The following SPAG16 variants were observed in gnomAD, a reference collection of about 807,000 sequenced individuals.
SPAG16 encodes the protein sperm associated antigen 16, also known as sperm-associated antigen 16 protein.
SPAG16 carries 86 observed loss-of-function variants against 80.4 expected under a neutral mutation model. The observed-to-expected ratio is 1.07, with a 90% CI of 0.90 to 1.28. The LOEUF (loss-of-function observed/expected upper bound fraction) is 1.28. Ranked by LOEUF, SPAG16 falls within the 50% of genes most tolerant of loss-of-function variation. The probability of loss-of-function intolerance (pLI) is 0.00; values close to 1 mark genes in which losing one functional copy is unlikely to be tolerated. For synonymous variants in SPAG16, 294 were observed against 265.9 expected (o/e 1.11, Z -1.03); for missense variants, 870 against 765.3 (o/e 1.14, Z -1.61).
At chr2:213,624,676 A>G (rs2061899079) in intron 10 of SPAG16, among the ~76,000 whole-genome samples, 1 of 152,214 alleles carries the variant, frequency 6.6e-6, no homozygotes, top group African/African-American at 2.4e-5. Context: ...TGACCACAAT[A>G]CCTTGATGCA....
chr2:213,835,714 G>T (rs1053082295), intron 10 of SPAG16, among the ~76,000 whole-genome samples: 1 of 152,156 alleles, frequency 6.6e-6, no homozygotes, highest in Non-Finnish European at 1.5e-5. Context: ...GATTTGGCAT[G>T]TTAATATTGT....
intron 10 of SPAG16, among the ~76,000 whole-genome samples, chr2:213,671,418 A>T (rs1029667733): frequency 3.9e-5 from 6 of 151,992 alleles, no homozygotes; most frequent in African/African-American, 1.5e-4. Flanking sequence ...CAGAGTAAGG[A>T]GCCTTGTTTT....
At chr2:214,006,170 T>C (rs1272421139) in intron 12 of SPAG16, among the ~76,000 whole-genome samples, 1 of 152,214 alleles carries the variant, frequency 6.6e-6, no homozygotes, top group Non-Finnish European at 1.5e-5. Flanking sequence ...TTTATATCAA[T>C]GTTTCATAAT....
Position 213,776,140 on chromosome 2 carries a change from C to G in SPAG16, c.1071-86345C>G, listed in dbSNP as rs114957882. 2.9e-3 allele frequency among the ~76,000 whole-genome samples: 439 copies of G among 152,346 alleles called. 3 individuals are homozygous for G. Among genetic ancestry groups the G allele is most frequent in the African/African-American group, 0.01 (421 of 41,586 alleles). On this transcript the variant is annotated intron_variant, in intron 10 of 15. Transcript: ENST00000331683. The stretch of plus-strand genomic sequence containing the variant: ...CCAATCATTGGGATTTATGTTACCT[C>G]ATATGGCAAAGGAACTTTGTGACAG...
chr2:214,024,644 C>A (rs1315800619), intron 13 of SPAG16, among the ~76,000 whole-genome samples: 1 of 151,292 alleles, frequency 6.6e-6, no homozygotes, highest in African/African-American at 2.4e-5. Context: ...AGTATTTCTT[C>A]CTTTTATTCA....
At chr2:213,851,832 G>C (rs529790554) in intron 10 of SPAG16, among the ~76,000 whole-genome samples, 6 of 152,272 alleles carry the variant, frequency 3.9e-5, no homozygotes, top group African/African-American at 1.2e-4. Context: ...TGAAAAAACT[G>C]TAAGAATGCT....
intron 11 of SPAG16, among the ~76,000 whole-genome samples, chr2:213,889,820 G>T (rs142772701): frequency 2.0e-5 from 3 of 151,238 alleles, no homozygotes; most frequent in Non-Finnish European, 4.4e-5. Context: ...ATCAAATGTT[G>T]CCTATGGGAA....
chr2:213,890,259 A>G (rs2076736031), intron 11 of SPAG16, among the ~76,000 whole-genome samples: 1 of 152,092 alleles, frequency 6.6e-6, no homozygotes, highest in African/African-American at 2.4e-5. Flanking sequence ...ACCCGAATAT[A>G]GAACTGTAAA....
rs1325982220 is a variant in SPAG16, at chr2:214,007,461, G to A, written c.1401-6490G>A. ...AAAAAAAAATGTGTGAAATTAAAAAGTTTGGTATACATTCTTTTTGTATGC... is the reference window on the plus strand; with the variant it reads ...AAAAAAAAATGTGTGAAATTAAAAAATTTGGTATACATTCTTTTTGTATGC... On this transcript the variant is annotated intron_variant, in intron 12 of 15. Transcript: ENST00000331683. Among the ~76,000 whole-genome samples, 9 of 151,912 alleles carry A rather than the reference G, an allele frequency of 5.9e-5. No homozygotes were observed. The East Asian group carries it at 1.7e-3, about 29-fold the overall frequency.
chr2:214,145,406 AT>A (rs2055590273), intron 14 of SPAG16, among the ~76,000 whole-genome samples: 1 of 152,034 alleles, frequency 6.6e-6, no homozygotes, highest in Admixed American at 6.6e-5. Context: ...TTCATAATAC[AT>A]TTTTCTTTAA....
chr2:213,641,692 G>C (rs1430308235), intron 10 of SPAG16, among the ~76,000 whole-genome samples: 1 of 152,076 alleles, frequency 6.6e-6, no homozygotes, highest in Non-Finnish European at 1.5e-5. Context: ...TCTTGGTAAG[G>C]GTAAATTATT....
intron 10 of SPAG16, among the ~76,000 whole-genome samples, chr2:213,672,859 G>GTTTTTTTTTT (rs750046794): frequency 8.0e-6 from 1 of 124,418 alleles, no homozygotes; most frequent in Non-Finnish European, 1.7e-5. Context: ...TATTTTGTTT[G>GTTTTTTTTTT]TTTTTTTTTT....
chr2:213,806,158 A>AT (rs2071756601), intron 10 of SPAG16, among the ~76,000 whole-genome samples: 1 of 152,220 alleles, frequency 6.6e-6, no homozygotes, highest in South Asian at 2.1e-4. Flanking sequence ...ACTAGAGAGC[A>AT]TCATCCCACT....
At chr2:214,223,657 A>G (rs1206772413) in intron 15 of SPAG16, among the ~76,000 whole-genome samples, 2 of 152,098 alleles carry the variant, frequency 1.3e-5, no homozygotes, top group Non-Finnish European at 2.9e-5. Flanking sequence ...AGATACTTCT[A>G]TTATAATAAA....
intron 10 of SPAG16, among the ~76,000 whole-genome samples, chr2:213,741,633 T>C (rs1476146573): frequency 6.6e-6 from 1 of 152,160 alleles, no homozygotes; most frequent in Non-Finnish European, 1.5e-5. Flanking sequence ...CATAGCAAAC[T>C]AAAATTGAAT....
At chr2:214,225,676 G>A (rs149854730) in intron 15 of SPAG16, among the ~76,000 whole-genome samples, 2 of 152,142 alleles carry the variant, frequency 1.3e-5, no homozygotes, top group Admixed American at 6.6e-5. Context: ...AAAAAGGAGA[G>A]AGGAAAAACT....
chr2:213,719,133 C>T (rs1377444887), intron 10 of SPAG16, among the ~76,000 whole-genome samples: 2 of 149,892 alleles, frequency 1.3e-5, no homozygotes, highest in Non-Finnish European at 3.0e-5. Context: ...ATACACCAAT[C>T]GGCACTCTGT....
rs570497447 is a variant in SPAG16, at chr2:214,362,925, A to G, written c.1721-47215A>G. Among the ~76,000 whole-genome samples the G allele has an allele frequency of 3.9e-5, 6 of 151,998 alleles. No individual in the cohort carries two copies. The South Asian group carries it at 1.2e-3, about 31-fold the overall frequency. On this transcript the variant is annotated intron_variant, in intron 15 of 15. Transcript: ENST00000331683. ...AATTTGGAGCCACTTAACTGCCCCA[A>G]TTTTTGTCATTTCCATCTCTAAAGT...
chr2:214,210,881 G>A (rs990323897), intron 15 of SPAG16, among the ~76,000 whole-genome samples: 4 of 151,456 alleles, frequency 2.6e-5, no homozygotes, highest in Non-Finnish European at 5.9e-5. Context: ...ACTTATATAT[G>A]GATCTTATGA....
Sources: allele counts gnomAD v4.1 joint callset (sites outside exome capture counted in the v4.1 genomes callset), GRCh38; gene constraint gnomAD v4.1.1; transcripts MANE v1.5; gene names NCBI Gene and HGNC (gene_info 2026-07-23, HGNC 2026-07-21).